ABCA1: variants seen among roughly 807,000 people sequenced by gnomAD.
The protein encoded by ABCA1 is ATP binding cassette subfamily A member 1, also known as phospholipid-transporting ATPase ABCA1.
In ABCA1, 133 loss-of-function variants were observed where a neutral mutation model predicts 262.5. The ratio of observed to expected loss-of-function variants is 0.51; its 90% CI spans 0.44 to 0.59. The LOEUF (loss-of-function observed/expected upper bound fraction) is 0.59. Among genes scored for constraint, ABCA1 ranks in the 20% least tolerant of loss-of-function variants. The pLI is 0.00. For synonymous variants in ABCA1, 1,022 were observed against 1,043.5 expected (o/e 0.98, Z 0.40); for missense variants, 2,452 against 2,777.5 (o/e 0.88, Z 2.63).
rs928963809 is a variant in ABCA1, at chr9:104,837,299, G to GTT, written c.1194+127_1194+128dup. The GTT allele has an allele frequency of 5.2e-6, 7 of 1,348,536 alleles. No individual in the cohort carries two copies. In the African/African-American group the frequency reaches 8.7e-5, roughly 17 times the overall value. The allele number at this position is 1,348,536 out of a possible 1,614,324, so 83.5% of individuals were successfully genotyped here. On this transcript the variant is annotated intron_variant, in intron 10 of 49. Coordinates refer to ENST00000374736, the MANE Select transcript of ABCA1 (RefSeq NM_005502.4). ...AGCTCTGGTCTGCATCAGACTTGAGGTTTTCACTCTGGGAATTCCAGAAGA... is the reference window on the plus strand; with the variant it reads ...AGCTCTGGTCTGCATCAGACTTGAGGTTTTTTCACTCTGGGAATTCCAGAAGA...
chr9:104,790,480 A>G (rs1829332797), intron 44 of ABCA1, among the ~76,000 whole-genome samples: 1 of 152,194 alleles, frequency 6.6e-6, no homozygotes, highest in South Asian at 2.1e-4. Flanking sequence ...TATTCATAAT[A>G]CACTCATTAA....
chr9:104,819,115 C>A (rs760272023), intron 22 of ABCA1, among the ~76,000 whole-genome samples: 15 of 152,176 alleles, frequency 9.9e-5, no homozygotes, highest in Non-Finnish European at 2.2e-4. Context: ...TTGCTATATG[C>A]CAGGCATTGT....
At chr9:104,824,316 G>A in intron 18 of ABCA1, 149 bp downstream of exon 18, 4 of 1,481,516 alleles carry the variant, frequency 2.7e-6, no homozygotes, top group Non-Finnish European at 3.6e-6. Flanking sequence ...GGCATGGGAG[G>A]ATTTGGAAAG....
At chr9:104,807,714 G>A (rs1382046877) in intron 30 of ABCA1, among the ~76,000 whole-genome samples, 2 of 151,766 alleles carry the variant, frequency 1.3e-5, no homozygotes, top group Non-Finnish European at 2.9e-5. Context: ...TCAGGAGGCT[G>A]AGGTAGGAGA....
rs775831681 is a variant in ABCA1, at chr9:104,784,366, T to A, written c.6735A>T (p.Ala2245=). The A allele has an allele frequency of 6.2e-7, 1 of 1,614,146 alleles. No individual in the cohort carries two copies. Among genetic ancestry groups the A allele is most frequent in the Non-Finnish European group, 8.5e-7 (1 of 1,180,000 alleles). The change falls in exon 50 of 50, where the codon GCA becomes GCT. Residue 2245 remains alanine, a synonymous_variant. Coordinates refer to ENST00000374736, the MANE Select transcript of ABCA1 (RefSeq NM_005502.4). ...CATCCTGTAGAAAAGATGTGAGAAC[T>A]GCAACGTCCACTACTGTCTGGTTTT... The part of the protein sequence containing the change: ...LHKNQTVVDV[A]VLTSFLQDEK...
intron 2 of ABCA1, among the ~76,000 whole-genome samples, chr9:104,892,177 G>A (rs1839812751): frequency 6.6e-6 from 1 of 151,992 alleles, no homozygotes; most frequent in Admixed American, 6.6e-5. Flanking sequence ...CATGCTGACA[G>A]TGGAGTACTC....
intron 9 of ABCA1, among the ~76,000 whole-genome samples, chr9:104,839,761 C>T (rs1176564916): frequency 6.6e-6 from 1 of 152,134 alleles, no homozygotes; most frequent in Admixed American, 6.5e-5. Flanking sequence ...AAATCCATCA[C>T]CTCATAGTTG....
intron 4 of ABCA1, 149 bp downstream of exon 4, chr9:104,884,278 C>T (rs1838958582): frequency 1.0e-6 from 1 of 957,658 alleles, no homozygotes; most frequent in Non-Finnish European, 1.6e-6. Flanking sequence ...CCAAAATTCT[C>T]CCTTCCCTCA....
chr9:104,882,047 A>AC (rs987870903), intron 5 of ABCA1, among the ~76,000 whole-genome samples: 6 of 149,372 alleles, frequency 4.0e-5, no homozygotes, highest in South Asian at 2.1e-4. Flanking sequence ...AAAAAAAAAA[A>AC]AAAAAAAAAA....
intron 3 of ABCA1, among the ~76,000 whole-genome samples, chr9:104,888,899 C>T (rs1209065063): frequency 6.6e-6 from 1 of 152,174 alleles, no homozygotes; most frequent in East Asian, 1.9e-4. Flanking sequence ...GTTATAATTA[C>T]AATTATCACC....
At chr9:104,831,983 A>G (rs1382259979) in intron 12 of ABCA1, among the ~76,000 whole-genome samples, 156 bp from the exon 13 acceptor site, 2 of 152,230 alleles carry the variant, frequency 1.3e-5, no homozygotes, top group South Asian at 2.1e-4. Context: ...TCAACCAAGA[A>G]TGAAGGATTT....
intron 31 of ABCA1, 30 bp from the exon 32 acceptor site, chr9:104,804,750 G>A: frequency 6.4e-7 from 1 of 1,558,164 alleles, no homozygotes; most frequent in Non-Finnish European, 8.9e-7. Flanking sequence ...AAGCATACGG[G>A]TCTTTATAGA....
intron 20 of ABCA1, among the ~76,000 whole-genome samples, chr9:104,820,938 G>A (rs180681750): frequency 3.3e-5 from 5 of 152,272 alleles, no homozygotes; most frequent in Admixed American, 2.0e-4. Context: ...AGGTGAGCCT[G>A]CCATATTCAA....
chr9:104,793,625 TCA>T (rs781298907), intron 40 of ABCA1, among the ~76,000 whole-genome samples: 4 of 152,266 alleles, frequency 2.6e-5, no homozygotes, highest in African/African-American at 4.8e-5. Context: ...CAAGTAATTT[TCA>T]CAGTCAGTAT....
chr9:104,843,012 C>G (rs745425400), intron 8 of ABCA1, among the ~76,000 whole-genome samples: 1 of 152,158 alleles, frequency 6.6e-6, no homozygotes, highest in African/African-American at 2.4e-5. Flanking sequence ...TCTTCCTGTT[C>G]GGAGTTTCCT....
chr9:104,831,578 T>C lies in ABCA1; in HGVS notation c.1715+44A>G, dbSNP rs772826240. The C allele has an allele frequency of 3.9e-6, 6 of 1,541,582 alleles. No homozygotes were observed. The African/African-American group carries it at 8.2e-5, about 21-fold the overall frequency. ...TCTTGTCCTAATATAATAGGTGCTCTGGACCTCCCCAAGACCAGGCTGGTG... is the reference window on the plus strand; with the variant it reads ...TCTTGTCCTAATATAATAGGTGCTCCGGACCTCCCCAAGACCAGGCTGGTG... On this transcript the variant is annotated intron_variant, in intron 13 of 49. Transcript: ENST00000374736.
At chr9:104,800,074 A>C (rs2118890775) in intron 35 of ABCA1, 86 bp from the exon 36 acceptor site, 1 of 1,474,286 alleles carries the variant, frequency 6.8e-7, no homozygotes, top group Non-Finnish European at 9.5e-7. Flanking sequence ...ATGCCCATAA[A>C]CCTCAGAAAG....
chr9:104,891,811 C>A (rs1332611776), intron 2 of ABCA1, among the ~76,000 whole-genome samples: 2 of 148,068 alleles, frequency 1.4e-5, no homozygotes, highest in Non-Finnish European at 3.0e-5. Flanking sequence ...ACTAAAAATA[C>A]AAAATTAGCC....
chr9:104,821,637 C>T (rs943579362), intron 19 of ABCA1, 131 bp from the exon 20 acceptor site: 20 of 1,065,966 alleles, frequency 1.9e-5, no homozygotes, highest in Non-Finnish European at 2.6e-5. Flanking sequence ...ATGAACCCTA[C>T]CAGACCCACA....
Sources: allele counts gnomAD v4.1 joint callset (sites outside exome capture counted in the v4.1 genomes callset), GRCh38; gene constraint gnomAD v4.1.1; transcripts MANE v1.5; gene names NCBI Gene and HGNC (gene_info 2026-07-23, HGNC 2026-07-21).